CSMD1: variants seen among roughly 807,000 people sequenced by gnomAD.
The protein encoded by CSMD1 is CUB and sushi domain-containing protein 1.
A neutral mutation model predicts 417.5 loss-of-function variants in CSMD1; 213 were observed. That is an observed-to-expected ratio of 0.51 (90% confidence interval 0.46 to 0.57). The LOEUF is 0.57. CSMD1 is among the 20% of genes least tolerant of loss of function. The pLI is 0.00. For synonymous variants in CSMD1, 2,862 were observed against 1,736.8 expected, an observed-to-expected ratio of 1.65 and a Z score of -16.11; for missense variants, 6,923 against 4,529.7, an observed-to-expected ratio of 1.53 and a Z score of -15.17.
chr8:3,963,938 A>C (rs1307498887), intron 5 of CSMD1, among the ~76,000 whole-genome samples: 1 of 152,348 alleles, frequency 6.6e-6, no homozygotes, highest in Non-Finnish European at 1.5e-5. Flanking sequence ...TTTCAGAAGA[A>C]AAAGAAGAAA....
At position 4,447,031 on chromosome 8, in the gene CSMD1, A is replaced by C. The variant is rs181943306; in HGVS notation, c.303-26966T>G. On this transcript the variant is annotated intron_variant, in intron 2 of 69. Coordinates refer to ENST00000635120, the MANE Select transcript of CSMD1 (RefSeq NM_033225.6). The stretch of plus-strand genomic sequence containing the variant: ...GCATGGAAGGGATTGTGGAGTTAAC[A>C]AAAAGGATCATCAGCCTGTGTCAGG... 3.3e-5 allele frequency among the ~76,000 whole-genome samples: 5 copies of C among 152,206 alleles called. No individual in the cohort carries two copies. The East Asian group carries it at 5.8e-4, about 18-fold the overall frequency.
intron 6 of CSMD1, among the ~76,000 whole-genome samples, chr8:3,709,853 G>C (rs979296120): frequency 2.0e-5 from 3 of 149,600 alleles, no homozygotes; most frequent in African/African-American, 7.4e-5. Flanking sequence ...GTGTGTACGT[G>C]TGTGTGTGTG....
intron 10 of CSMD1, among the ~76,000 whole-genome samples, chr8:3,563,983 G>A (rs7838120): frequency 0.59 from 89,460 of 151,964 alleles, 26,589 homozygotes; most frequent in Middle Eastern, 0.65. Context: ...CTGAGTATAC[G>A]ATCATTAAAG....
intron 10 of CSMD1, among the ~76,000 whole-genome samples, chr8:3,555,489 A>C (rs953097616): frequency 1.3e-5 from 2 of 152,330 alleles, no homozygotes; most frequent in East Asian, 1.9e-4. Context: ...GGATGCTGAC[A>C]GGTTTAAATT....
Position 3,557,300 on chromosome 8 carries a change from C to A in CSMD1, c.1344+17645G>T, listed in dbSNP as rs150515372. Among the ~76,000 whole-genome samples the A allele has an allele frequency of 2.4e-3, 364 of 152,260 alleles. 6 individuals are homozygous for A. The highest frequency in any genetic ancestry group is 0.022 in the Admixed American group (339 of 15,278). On this transcript the variant is annotated intron_variant, in intron 10 of 69. Coordinates refer to ENST00000635120, the MANE Select transcript of CSMD1 (RefSeq NM_033225.6). ...TGGAGACAGCTGTACCTATTTTTAACAAAAGACCTTTAATTATGGCAGACC... is the reference window on the plus strand; with the variant it reads ...TGGAGACAGCTGTACCTATTTTTAAAAAAAGACCTTTAATTATGGCAGACC...
chr8:3,012,327 C>T (rs1460271810), intron 52 of CSMD1, among the ~76,000 whole-genome samples: 1 of 152,186 alleles, frequency 6.6e-6, no homozygotes, highest in Admixed American at 6.5e-5. Context: ...TACAGCTGTC[C>T]TATAGTTGAC....
intron 2 of CSMD1, among the ~76,000 whole-genome samples, chr8:4,455,651 C>T (rs983917143): frequency 6.6e-6 from 1 of 151,888 alleles, no homozygotes; most frequent in Non-Finnish European, 1.5e-5. Context: ...GCAATTGAGG[C>T]CAGATACAGT....
intron 10 of CSMD1, among the ~76,000 whole-genome samples, chr8:3,515,668 T>G (rs1043007703): frequency 1.3e-5 from 2 of 152,318 alleles, no homozygotes; most frequent in Non-Finnish European, 1.5e-5. Flanking sequence ...CAGACCAACT[T>G]GGAACAAGTC....
chr8:3,724,853 C>T (rs1802394902), intron 6 of CSMD1, among the ~76,000 whole-genome samples: 1 of 152,196 alleles, frequency 6.6e-6, no homozygotes, highest in African/African-American at 2.4e-5. Context: ...TGGCAGATAT[C>T]AGAAGCTTTA....
At chr8:4,145,003 T>G (rs1804024450) in intron 3 of CSMD1, among the ~76,000 whole-genome samples, 1 of 151,116 alleles carries the variant, frequency 6.6e-6, no homozygotes, top group African/African-American at 2.5e-5. Context: ...GTTCTCTACT[T>G]TATATAAATA....
intron 1 of CSMD1, among the ~76,000 whole-genome samples, chr8:4,802,214 T>A (rs1221990653): frequency 1.3e-5 from 2 of 152,198 alleles, no homozygotes; most frequent in Admixed American, 1.3e-4. Flanking sequence ...TGCATCAAAG[T>A]ACAATTGGCT....
intron 1 of CSMD1, among the ~76,000 whole-genome samples, chr8:4,831,498 C>T (rs1300257589): frequency 1.3e-5 from 2 of 152,130 alleles, no homozygotes; most frequent in African/African-American, 4.8e-5. Context: ...TGTCAAGATG[C>T]TGCTCATTGC....
chr8:3,615,836 G>C (rs957517487), intron 8 of CSMD1, among the ~76,000 whole-genome samples: 2 of 151,954 alleles, frequency 1.3e-5, no homozygotes, highest in African/African-American at 4.8e-5. Context: ...TTATTTTACA[G>C]CTGCTTCTAA....
intron 6 of CSMD1, among the ~76,000 whole-genome samples, chr8:3,725,449 G>A (rs1398034259): frequency 6.6e-6 from 1 of 152,156 alleles, no homozygotes; most frequent in Non-Finnish European, 1.5e-5. Flanking sequence ...AGCTGAAGGC[G>A]ACTGTGGGGC....
At chr8:4,048,562 T>A (rs958658659) in intron 3 of CSMD1, among the ~76,000 whole-genome samples, 2 of 152,186 alleles carry the variant, frequency 1.3e-5, no homozygotes, top group African/African-American at 4.8e-5. Context: ...GAGCCAGGAT[T>A]TGACCTGAGG....
At chr8:4,015,289 G>A (rs1009003971) in intron 4 of CSMD1, among the ~76,000 whole-genome samples, 14 of 152,096 alleles carry the variant, frequency 9.2e-5, no homozygotes, top group African/African-American at 3.4e-4. Flanking sequence ...AAATATCGCA[G>A]AATTTATAGG....
intron 3 of CSMD1, among the ~76,000 whole-genome samples, chr8:4,120,134 A>G (rs1802398200): frequency 6.6e-6 from 1 of 152,212 alleles, no homozygotes; most frequent in Non-Finnish European, 1.5e-5. Context: ...AATACTACAC[A>G]TCGCATGCCT....
At chr8:4,349,589 C>A (rs1035818998) in intron 3 of CSMD1, among the ~76,000 whole-genome samples, 1 of 152,090 alleles carries the variant, frequency 6.6e-6, no homozygotes, top group Non-Finnish European at 1.5e-5. Context: ...CATTTAGCAA[C>A]CAAATTGTCT....
chr8:3,856,823 A>T (rs1024054802), intron 5 of CSMD1, among the ~76,000 whole-genome samples: 22 of 152,142 alleles, frequency 1.4e-4, no homozygotes, highest in Non-Finnish European at 1.5e-4. Flanking sequence ...CTGGGGCCCA[A>T]AGTTAACAGA....
Sources: allele counts gnomAD v4.1 joint callset (sites outside exome capture counted in the v4.1 genomes callset), GRCh38; gene constraint gnomAD v4.1.1; transcripts MANE v1.5; gene names NCBI Gene and HGNC (gene_info 2026-07-23, HGNC 2026-07-21).